ZFHX3: variants seen among roughly 807,000 people sequenced by gnomAD.
ZFHX3 encodes zinc finger homeobox 3, also known as zinc finger homeobox protein 3.
In ZFHX3, 42 loss-of-function variants were observed where a neutral mutation model predicts 279.1. That is an observed-to-expected ratio of 0.15 (90% CI 0.12 to 0.19). ZFHX3 has a LOEUF of 0.19. ZFHX3 is among the 10% of genes least tolerant of loss of function. The pLI is 1.00. For synonymous variants in ZFHX3, 2,293 were observed against 1,957.8 expected, an observed-to-expected ratio of 1.17 and a Z score of -4.52; for missense variants, 4,981 against 4,754.0, an observed-to-expected ratio of 1.05 and a Z score of -1.40.
intron 1 of ZFHX3, among the ~76,000 whole-genome samples, chr16:73,709,688 A>G (rs545718461): frequency 1.5e-4 from 23 of 152,298 alleles, no homozygotes; most frequent in African/African-American, 5.5e-4. Context: ...AATAACTTCA[A>G]GAGATCTAGT....
At chr16:73,090,123 G>A (rs1966055015) in intron 8 of ZFHX3, among the ~76,000 whole-genome samples, 1 of 152,238 alleles carries the variant, frequency 6.6e-6, no homozygotes, top group African/African-American at 2.4e-5. Context: ...GCCGGGCTTG[G>A]TGGCTCACAC....
Position 73,788,429 on chromosome 16 carries a change from C to T in ZFHX3, c.-1608+103222G>A, listed in dbSNP as rs144490997. Among the ~76,000 whole-genome samples, 23 of 152,200 alleles carry T rather than the reference C, an allele frequency of 1.5e-4. No homozygotes were observed. In the East Asian group the frequency reaches 3.7e-3, roughly 24 times the overall value. ...ACTCCTCAGAAGAAATAGAAGTGAT[C>T]GTGTCAGGGTTGGGGGTAGGTGAAT... On this transcript the variant is annotated intron_variant, in intron 1 of 17. Transcript: ENST00000641206.
chr16:73,293,205 T>G (rs545011618), intron 4 of ZFHX3, among the ~76,000 whole-genome samples: 1 of 152,140 alleles, frequency 6.6e-6, no homozygotes. Context: ...ACTGCAAGAT[T>G]AGAATTTTTG....
chr16:73,682,900 A>G (rs979777049), intron 1 of ZFHX3, among the ~76,000 whole-genome samples: 2 of 34,894 alleles, frequency 5.7e-5, no homozygotes, highest in Non-Finnish European at 1.1e-4. Flanking sequence ...GAAAGAAAGA[A>G]AGAAAGAGAA....
chr16:73,132,563 T>C (rs1306347967), intron 6 of ZFHX3, among the ~76,000 whole-genome samples: 2 of 152,150 alleles, frequency 1.3e-5, no homozygotes, highest in South Asian at 2.1e-4. Context: ...CTCTGATGCA[T>C]TGGAATTTGT....
intron 1 of ZFHX3, among the ~76,000 whole-genome samples, chr16:73,705,084 A>G (rs544633521): frequency 3.0e-4 from 45 of 152,336 alleles, no homozygotes; most frequent in East Asian, 9.6e-4. Context: ...CTCACAAAAG[A>G]CGTAACCTCA....
At chr16:73,729,859 T>A (rs1484907211) in intron 1 of ZFHX3, among the ~76,000 whole-genome samples, 1 of 152,194 alleles carries the variant, frequency 6.6e-6, no homozygotes, top group Non-Finnish European at 1.5e-5. Flanking sequence ...CTTGCTTCCA[T>A]GTGTAATCTA....
At chr16:73,433,576 G>C (rs1274073267) in intron 3 of ZFHX3, among the ~76,000 whole-genome samples, 1 of 152,314 alleles carries the variant, frequency 6.6e-6, no homozygotes, top group East Asian at 1.9e-4. Context: ...GAGGCATTCT[G>C]AGAGGCTTTT....
chr16:73,108,886 G>C (rs960709321), intron 7 of ZFHX3, among the ~76,000 whole-genome samples: 1 of 152,266 alleles, frequency 6.6e-6, no homozygotes, highest in South Asian at 2.1e-4. Context: ...GTGGCGATGG[G>C]GAGGGGCTCT....
At chr16:73,282,906 T>G (rs1292842972) in intron 4 of ZFHX3, among the ~76,000 whole-genome samples, 1 of 152,260 alleles carries the variant, frequency 6.6e-6, no homozygotes, top group Non-Finnish European at 1.5e-5. Flanking sequence ...TCATTCAATA[T>G]TGAGTTATTG....
At chr16:72,851,719 T>A (rs1273990251) in intron 4 of ZFHX3, among the ~76,000 whole-genome samples, 2 of 151,918 alleles carry the variant, frequency 1.3e-5, no homozygotes, top group Non-Finnish European at 2.9e-5. Flanking sequence ...CACGGCTAAT[T>A]TTTGTATTTT....
chr16:73,837,958 C>G (rs953191295), intron 1 of ZFHX3, among the ~76,000 whole-genome samples: 1 of 152,230 alleles, frequency 6.6e-6, no homozygotes, highest in Non-Finnish European at 1.5e-5. Context: ...CAAAGGAAAT[C>G]TGTTCCTCTC....
chr16:73,873,761 A>G (rs1394185533), intron 1 of ZFHX3, among the ~76,000 whole-genome samples: 3 of 152,170 alleles, frequency 2.0e-5, no homozygotes, highest in African/African-American at 7.2e-5. Flanking sequence ...CTCTCTCTTT[A>G]GAGGAGTTCC....
At chr16:73,850,726 G>A (rs1381094181) in intron 1 of ZFHX3, among the ~76,000 whole-genome samples, 1 of 151,874 alleles carries the variant, frequency 6.6e-6, no homozygotes, top group Non-Finnish European at 1.5e-5. Flanking sequence ...CAGGGCCGTG[G>A]CTTGAGAGAT....
chr16:73,365,976 A>T (rs2016522608), intron 3 of ZFHX3, among the ~76,000 whole-genome samples: 1 of 152,232 alleles, frequency 6.6e-6, no homozygotes, highest in African/African-American at 2.4e-5. Flanking sequence ...CAAAGGTACA[A>T]GAGAAAACAA....
At chr16:73,003,731 G>A (rs1299022755) in intron 1 of ZFHX3, among the ~76,000 whole-genome samples, 1 of 151,742 alleles carries the variant, frequency 6.6e-6, no homozygotes, top group African/African-American at 2.4e-5. Flanking sequence ...AAACAAAAAG[G>A]ATAATACATT....
chr16:73,538,618 A>G (rs368530637), intron 2 of ZFHX3, among the ~76,000 whole-genome samples: 30 of 152,292 alleles, frequency 2.0e-4, no homozygotes, highest in African/African-American at 7.0e-4. Flanking sequence ...AAATGTCCCC[A>G]TCTCCCATGC....
intron 4 of ZFHX3, among the ~76,000 whole-genome samples, chr16:73,292,778 C>G (rs2014807048): frequency 6.6e-6 from 1 of 152,054 alleles, no homozygotes; most frequent in African/African-American, 2.4e-5. Context: ...TGAGGGGTGG[C>G]CTCTTGAGCC....
At chr16:73,874,090 G>A (rs1052636618) in intron 1 of ZFHX3, among the ~76,000 whole-genome samples, 2 of 152,142 alleles carry the variant, frequency 1.3e-5, no homozygotes, top group African/African-American at 4.8e-5. Flanking sequence ...TTCTTCCTCT[G>A]TCTGTGAACA....
Sources: allele counts gnomAD v4.1 joint callset (sites outside exome capture counted in the v4.1 genomes callset), GRCh38; gene constraint gnomAD v4.1.1; transcripts MANE v1.5; gene names NCBI Gene and HGNC (gene_info 2026-07-23, HGNC 2026-07-21).